SULT1A1: variants seen among roughly 807,000 people sequenced by gnomAD.
SULT1A1 encodes sulfotransferase 1A1.
SULT1A1 carries 35 observed loss-of-function variants against 36.8 expected under a neutral mutation model. That is an observed-to-expected ratio of 0.95 (90% confidence interval 0.73 to 1.26). The LOEUF (loss-of-function observed/expected upper bound fraction) is 1.26. Ranked by LOEUF, SULT1A1 falls within the 50% of genes most tolerant of loss-of-function variation. The pLI is 0.00. For missense variants in SULT1A1, 309 were observed against 383.0 expected (o/e 0.81, Z 1.61); for synonymous variants, 119 against 146.0 (o/e 0.82, Z 1.33).
chr16:28,608,553 G>C lies in SULT1A1; in HGVS notation c.199C>G (p.Leu67Val). 1 of 1,612,426 alleles carries C rather than the reference G, an allele frequency of 6.2e-7. No individual in the cohort carries two copies. Among genetic ancestry groups the C allele is most frequent in the South Asian group, 1.1e-5 (1 of 91,018 alleles). Reference protein sequence around the residue: ...ILDMIYQGGDLEKCHRAPIFM... With the variant: ...ILDMIYQGGDVEKCHRAPIFM... ...ATGGGAGCTCGGTGACACTTCTCCA[G>C]GTCACCACCCTGGTAGATCATGTCC... The change falls in exon 3 of 8, where the codon CTG becomes GTG. Residue 67 changes from leucine (L) to valine (V), a missense_variant. By Grantham distance (32) the Leu-to-Val change is conservative. This residue lies in a region of SULT1A1 where 219 missense variants were observed against 215.3 expected (regional missense o/e 1.02). Coordinates refer to ENST00000314752, the MANE Select transcript of SULT1A1 (RefSeq NM_001055.4).
At chr16:28,618,407 G>A (rs1419545785) in intron 2 of SULT1A1, among the ~76,000 whole-genome samples, 10 of 140,876 alleles carry the variant, frequency 7.1e-5, no homozygotes, top group East Asian at 2.2e-4. Context: ...GTGCAGTGGC[G>A]TGATATCGGC....
chr16:28,605,828 T>C lies in SULT1A1; in HGVS notation c.881A>G (p.Glu294Gly), dbSNP rs148487747. Reference sequence around the variant, plus strand: ...TGACTCCAGGAGCCCCTCTCACAGCTCAGAGCGGAAGCTGAGGCTGCAGCC... The same window carrying C: ...TGACTCCAGGAGCCCCTCTCACAGCCCAGAGCGGAAGCTGAGGCTGCAGCC... ...MAGCSLSFRS[E>G]L Residue 294 changes from glutamate (E) to glycine (G), a missense_variant, in exon 8 of 8, where the codon GAG becomes GGG. This residue lies in a region of SULT1A1 where 67 missense variants were observed against 122.0 expected (regional missense o/e 0.55). Coordinates refer to ENST00000314752, the MANE Select transcript of SULT1A1 (RefSeq NM_001055.4). The C allele has an allele frequency of 2.5e-6, 4 of 1,609,344 alleles. No homozygotes were observed. The African/African-American group carries it at 5.3e-5, about 22-fold the overall frequency.
chr16:28,616,013 G>A (rs1421853858), intron 2 of SULT1A1, among the ~76,000 whole-genome samples: 1 of 22,956 alleles, frequency 4.4e-5, no homozygotes, highest in Non-Finnish European at 3.5e-3. Flanking sequence ...ATCACAGGGA[G>A]ACGCTGGACC....
rs1451284295 is a variant in SULT1A1, at chr16:28,608,740, T to C, written c.116A>G (p.Asp39Gly). 1.9e-6 allele frequency: 3 copies of C among 1,612,944 alleles called. No individual in the cohort carries two copies. The highest frequency in any genetic ancestry group is 1.7e-6 in the Non-Finnish European group (2 of 1,179,376). Residue 39 changes from aspartate to glycine, a missense_variant, in exon 2 of 8, where the codon GAT (aspartate) becomes GGT (glycine). Physicochemically the swap from Asp to Gly is moderately conservative, Grantham distance 94. Coordinates refer to ENST00000314752, the MANE Select transcript of SULT1A1 (RefSeq NM_001055.4). ...GPLQSFQARP[D>G]DLLISTYPKS... ...GGGGTAGGTGCTGATGAGCAGGTCATCAGGCCGGGCCTGGAAGCTCTGCAG... is the reference window on the plus strand; with the variant it reads ...GGGGTAGGTGCTGATGAGCAGGTCACCAGGCCGGGCCTGGAAGCTCTGCAG...
intron 1 of SULT1A1, chr16:28,623,020 G>A (rs2047686261): frequency 2.9e-6 from 4 of 1,399,120 alleles, no homozygotes; most frequent in Admixed American, 2.4e-5. Flanking sequence ...GCTCCTGCCC[G>A]GGTCCCCAGG....
intron 1 of SULT1A1, among the ~76,000 whole-genome samples, chr16:28,621,241 G>A (rs2047647513): frequency 6.6e-6 from 1 of 151,856 alleles, no homozygotes; most frequent in South Asian, 2.1e-4. Context: ...CAGCACTTTG[G>A]GAGGCCATGA....
At chr16:28,615,833 C>G (rs542904420) in intron 2 of SULT1A1, among the ~76,000 whole-genome samples, 2 of 152,174 alleles carry the variant, frequency 1.3e-5, no homozygotes, top group African/African-American at 4.8e-5. Context: ...GCCTGGCAGC[C>G]GAGGCAGAGA....
chr16:28,615,645 T>C (rs28729187), intron 2 of SULT1A1, among the ~76,000 whole-genome samples: 91,112 of 152,032 alleles, frequency 0.6, 28,296 homozygotes, highest in East Asian at 0.94. Flanking sequence ...ACACAGGCAG[T>C]TGGGCCCGGG....
intron 1 of SULT1A1, among the ~76,000 whole-genome samples, chr16:28,622,122 G>C (rs1324484645): frequency 1.3e-5 from 2 of 151,956 alleles, no homozygotes; most frequent in Non-Finnish European, 1.5e-5. Flanking sequence ...TGACTCACTG[G>C]GACCCCTACT....
In SULT1A1 at chr16:28,606,123, A is replaced by G. The variant is rs775186921; in HGVS notation, c.708T>C (p.Pro236=). The part of the protein sequence containing the change: ...HTSFKEMKKN[P]MTNYTTVPQE... ...GGGGGACGGTGGTGTAGTTGGTCAT[A>G]GGGTTCTTCTTCATCTCCTTGAACG... Residue 236 remains proline (P), a synonymous_variant, in exon 7 of 8, where the codon CCT becomes CCC. Transcript: ENST00000314752. The G allele has an allele frequency of 1.9e-6, 3 of 1,611,034 alleles. No individual in the cohort carries two copies. The highest frequency in any genetic ancestry group is 2.7e-5 in the African/African-American group (2 of 74,806).
rs1179048444 is a variant in SULT1A1 at position 28,620,865 on chromosome 16, C to G, written c.68-732G>C. Among the ~76,000 whole-genome samples, 12 of 152,072 alleles carry G rather than the reference C, an allele frequency of 7.9e-5. 1 individual carries two copies. Among genetic ancestry groups the G allele is most frequent in the Admixed American group, 3.3e-4 (5 of 15,272 alleles). On this transcript the variant is annotated intron_variant, in intron 1 of 5. Transcript: ENST00000350842. ...GTGGCTCATGCCTGTAATCCCAGCACTTTGGGAAGTTGAGGCGAGCGGATC... is the reference window on the plus strand; with the variant it reads ...GTGGCTCATGCCTGTAATCCCAGCAGTTTGGGAAGTTGAGGCGAGCGGATC...
chr16:28,608,255 G>T, intron 4 of SULT1A1, 36 bp downstream of exon 4: 1 of 1,609,718 alleles, frequency 6.2e-7, no homozygotes, highest in South Asian at 1.1e-5. Flanking sequence ...CCAAAGTGCT[G>T]GGATTATGGA....
chr16:28,617,795 G>A (rs2047574465), intron 2 of SULT1A1, among the ~76,000 whole-genome samples: 1 of 152,152 alleles, frequency 6.6e-6, no homozygotes, highest in Non-Finnish European at 1.5e-5. Context: ...CTGCCAAAGT[G>A]CTGGGATTAC....
intron 4 of SULT1A1, chr16:28,607,444 A>C (rs1326261826): frequency 8.6e-6 from 2 of 231,338 alleles, no homozygotes; most frequent in Admixed American, 1.0e-4. Context: ...CATCAGAGCA[A>C]GAGGCAGACA....
At chr16:28,623,192 C>T in exon 1 of SULT1A1, 4 of 1,549,116 alleles carry the variant, frequency 2.6e-6, no homozygotes, top group Non-Finnish European at 3.5e-6. Flanking sequence ...GCAACTTGGC[C>T]AGCATGGCGC....
chr16:28,615,660 C>G (rs1316150519), intron 2 of SULT1A1, among the ~76,000 whole-genome samples: 1 of 152,158 alleles, frequency 6.6e-6, no homozygotes, highest in Non-Finnish European at 1.5e-5. Flanking sequence ...CCCGGGTGAC[C>G]ACTACCACCA....
chr16:28,605,940 G>T lies in SULT1A1; in HGVS notation c.776-7C>A. 1 of 1,604,434 alleles carries T rather than the reference G, an allele frequency of 6.2e-7. No homozygotes were observed. The highest frequency in any genetic ancestry group is 8.5e-7 in the Non-Finnish European group (1 of 1,173,838). On this transcript the variant is annotated splice_polypyrimidine_tract_variant and splice_region_variant and intron_variant, in intron 7 of 7. Transcript: ENST00000314752. ...TTCCAGTCCCCAGCCATGCCTGGGG[G>T]AGGAAGGCAGGGAGCAAAGCTGGAG...
intron 2 of SULT1A1, among the ~76,000 whole-genome samples, chr16:28,618,042 CTT>C (rs11357624): frequency 1.3e-4 from 18 of 139,430 alleles, no homozygotes; most frequent in Admixed American, 2.9e-4. Context: ...ACTTCCTGCT[CTT>C]TTTTTTTTTT....
At chr16:28,606,007 C>A (rs1343702298) in intron 7 of SULT1A1, 49 bp downstream of exon 7, 10 of 1,572,802 alleles carry the variant, frequency 6.4e-6, no homozygotes, top group Admixed American at 1.7e-5. Context: ...GGGGAGGCTG[C>A]AGCTGCTGCT....
Sources: allele counts gnomAD v4.1 joint callset (sites outside exome capture counted in the v4.1 genomes callset), GRCh38; gene constraint gnomAD v4.1.1; regional missense constraint gnomAD v4.1.1; transcripts MANE v1.5; gene names NCBI Gene and HGNC (gene_info 2026-07-23, HGNC 2026-07-21).